Variants in CLTC observed in about 807,000 individuals in gnomAD.
The protein encoded by CLTC is clathrin heavy chain 1.
In CLTC, 16 loss-of-function variants were observed where a neutral mutation model predicts 195.8. The ratio of observed to expected loss-of-function variants is 0.08; its 90% CI spans 0.06 to 0.12. The LOEUF (loss-of-function observed/expected upper bound fraction) is 0.12. CLTC is among the 10% of genes least tolerant of loss of function. The probability of loss-of-function intolerance (pLI) is 1.00; values close to 1 mark genes in which losing one functional copy is unlikely to be tolerated. For missense variants in CLTC, 796 were observed against 2,027.0 expected (o/e 0.39, Z 11.66); for synonymous variants, 667 against 689.4 (o/e 0.97, Z 0.51).
chr17:59,676,920 ATG>A, intron 16 of CLTC, 32 bp from the exon 17 acceptor site: 3 of 1,415,688 alleles, frequency 2.1e-6, no homozygotes, highest in Non-Finnish European at 3.0e-6. Context: ...ATAATACAGT[ATG>A]TGTGTGTGAG....
At chr17:59,624,454 CTTTTTTTTTTT>C (rs5821272) in intron 1 of CLTC, among the ~76,000 whole-genome samples, 1 of 98,154 alleles carries the variant, frequency 1.0e-5, no homozygotes, top group Non-Finnish European at 1.9e-5. Context: ...GAGCCACATA[CTTTTTTTTTTT>C]TTTTTTTTTT....
At chr17:59,654,919 A>C (rs7223290) in intron 5 of CLTC, among the ~76,000 whole-genome samples, 124,801 of 152,210 alleles carry the variant, frequency 0.82, 51,432 homozygotes, top group South Asian at 0.93. Flanking sequence ...TGTCTGTGGT[A>C]GGTTTCTTAG....
intron 1 of CLTC, among the ~76,000 whole-genome samples, chr17:59,641,743 T>G (rs1483214859): frequency 6.6e-6 from 1 of 152,120 alleles, no homozygotes; most frequent in African/African-American, 2.4e-5. Flanking sequence ...AAGATATATA[T>G]GCATAGCTCT....
intron 17 of CLTC, among the ~76,000 whole-genome samples, chr17:59,677,536 G>A (rs1191244932): frequency 4.6e-5 from 7 of 152,098 alleles, no homozygotes; most frequent in African/African-American, 7.2e-5. Context: ...TACCCCTTCC[G>A]AGTGTATGGC....
intron 14 of CLTC, among the ~76,000 whole-genome samples, chr17:59,671,430 CAT>C (rs1321739700): frequency 2.0e-5 from 3 of 152,042 alleles, no homozygotes; most frequent in Non-Finnish European, 4.4e-5. Flanking sequence ...AACCCTGTGT[CAT>C]AAGAAAAATA....
intron 1 of CLTC, among the ~76,000 whole-genome samples, chr17:59,635,080 C>G (rs2031824193): frequency 6.6e-6 from 1 of 152,156 alleles, no homozygotes; most frequent in African/African-American, 2.4e-5. Flanking sequence ...CAAGTATCAG[C>G]AGGTCTCTCA....
chr17:59,673,563 C>A, intron 14 of CLTC, 84 bp from the exon 15 acceptor site: 1 of 1,017,958 alleles, frequency 9.8e-7, no homozygotes, highest in Non-Finnish European at 1.5e-6. Context: ...CTCTTGTTAG[C>A]GTAGAACAAA....
At chr17:59,692,624 AG>A (rs951464492) in intron 31 of CLTC, among the ~76,000 whole-genome samples, 1 of 152,150 alleles carries the variant, frequency 6.6e-6, no homozygotes, top group African/African-American at 2.4e-5. Flanking sequence ...TCATACCTAA[AG>A]AATGTCTGAA....
Position 59,648,140 on chromosome 17 carries a change from G to A in CLTC, c.520-100G>A. ...GAAGTGACAAATAATTATAAATCCT[G>A]CTAAAGATGACAAAGCATTCTAATT... On this transcript the variant is annotated intron_variant, in intron 3 of 31. Transcript: ENST00000269122. This position sits in a 1 kb window ranked among gnomAD's most constrained non-coding sequence, Gnocchi z 4.5. 4.5e-6 allele frequency: 5 copies of A among 1,118,952 alleles called. No homozygotes were observed. Among genetic ancestry groups the A allele is most frequent in the Non-Finnish European group, 6.4e-6 (5 of 786,370 alleles). 69.3% of individuals were successfully genotyped at this position (1,118,952 alleles called of 1,614,324 possible).
chr17:59,677,198 G>A lies in CLTC; in HGVS notation c.2796+10G>A, dbSNP rs1221558334. The A allele has an allele frequency of 1.9e-6, 3 of 1,592,530 alleles. No individual in the cohort carries two copies. The East Asian group carries it at 6.7e-5, about 36-fold the overall frequency. On this transcript the variant is annotated intron_variant, in intron 17 of 31. Transcript: ENST00000269122. ...TCTGGAACTTATTAATGTGAGTACTGCTAGCTGAATATGTAGAGAAGCTGC... is the reference window on the plus strand; with the variant it reads ...TCTGGAACTTATTAATGTGAGTACTACTAGCTGAATATGTAGAGAAGCTGC...
Position 59,681,598 on chromosome 17 carries a change from G to T in CLTC, c.3250-49G>T. The T allele has an allele frequency of 6.3e-7, 1 of 1,579,542 alleles. No individual in the cohort carries two copies. The highest frequency in any genetic ancestry group is 8.6e-7 in the Non-Finnish European group (1 of 1,156,918). On this transcript the variant is annotated intron_variant, in intron 20 of 31. Coordinates refer to ENST00000269122, the MANE Select transcript of CLTC (RefSeq NM_004859.4). The surrounding 1 kb of genome is among the most constrained non-coding windows in gnomAD (Gnocchi z 5.0). ...CTAACAGCTTAAATGTAATTGCTTTGGGTAGGATTGATTTTACTCTAACCC... is the reference window on the plus strand; with the variant it reads ...CTAACAGCTTAAATGTAATTGCTTTTGGTAGGATTGATTTTACTCTAACCC...
intron 6 of CLTC, among the ~76,000 whole-genome samples, chr17:59,656,546 A>C (rs1384273888): frequency 6.6e-6 from 1 of 152,086 alleles, no homozygotes; most frequent in African/African-American, 2.4e-5. Context: ...CTCTTGTGGG[A>C]TGCCTGGAAA....
At chr17:59,634,675 A>G (rs2031814081) in intron 1 of CLTC, among the ~76,000 whole-genome samples, 1 of 151,100 alleles carries the variant, frequency 6.6e-6, no homozygotes, top group Non-Finnish European at 1.5e-5. Flanking sequence ...CATGGAGTAG[A>G]AAAAAACTAT....
At chr17:59,632,133 G>A (rs552814351) in intron 1 of CLTC, among the ~76,000 whole-genome samples, 53 of 152,084 alleles carry the variant, frequency 3.5e-4, no homozygotes, top group African/African-American at 1.2e-3. Flanking sequence ...CTTTGGGAGG[G>A]TGAGGCGGGC....
Position 59,682,536 on chromosome 17 carries a change from C to G in CLTC, c.3601-93C>G. The G allele has an allele frequency of 1.9e-6, 3 of 1,576,846 alleles. No individual in the cohort carries two copies. Among genetic ancestry groups the G allele is most frequent in the Non-Finnish European group, 2.6e-6 (3 of 1,157,580 alleles). On this transcript the variant is annotated intron_variant, in intron 22 of 31. Transcript: ENST00000269122. The surrounding 1 kb of genome is among the most constrained non-coding windows in gnomAD (Gnocchi z 6.8). ...TTCCAAGGAAAAATCTATAGGAAAA[C>G]AAATTCTTTCTCATTGTGAAGATAT...
intron 1 of CLTC, among the ~76,000 whole-genome samples, chr17:59,638,461 CAT>C (rs756020802): frequency 6.8e-6 from 1 of 147,700 alleles, no homozygotes; most frequent in East Asian, 2.1e-4. Flanking sequence ...TATGAGAAAA[CAT>C]AAACACAGCC....
chr17:59,657,749 C>T (rs2032506196), intron 6 of CLTC, among the ~76,000 whole-genome samples: 1 of 131,604 alleles, frequency 7.6e-6, no homozygotes, highest in Non-Finnish European at 1.6e-5. Context: ...GCCTGGATGA[C>T]AGAGCAAGAC....
rs757318296 is a variant in CLTC at position 59,644,446 on chromosome 17, C to T, written c.213C>T (p.Ala71=). The change falls in exon 2 of 32, where the codon GCC becomes GCT. Residue 71 remains alanine (A), a synonymous_variant. Transcript: ENST00000269122. ...PIRRPISADS[A]IMNPASKVIA... Reference sequence around the variant, plus strand: ...GAAGACCAATTTCAGCAGACAGCGCCATCATGAATCCAGCTAGCAAAGTAA... The same window carrying T: ...GAAGACCAATTTCAGCAGACAGCGCTATCATGAATCCAGCTAGCAAAGTAA... 5 of 1,613,962 alleles carry T rather than the reference C, an allele frequency of 3.1e-6. No homozygotes were observed. The South Asian group carries it at 5.5e-5, about 18-fold the overall frequency.
At chr17:59,642,003 T>G (rs1451323585) in intron 1 of CLTC, among the ~76,000 whole-genome samples, 19 of 139,402 alleles carry the variant, frequency 1.4e-4, no homozygotes, top group Middle Eastern at 3.5e-3. Flanking sequence ...TTTGTTGTTT[T>G]TTTTTTTTTT....
Sources: gnomAD v4.1 joint callset for allele counts (sites outside exome capture counted in the v4.1 genomes callset) on GRCh38, gnomAD v4.1.1 for gene constraint, Gnocchi (gnomAD v3.1) non-coding constraint, MANE v1.5 for transcripts, NCBI Gene and HGNC (gene_info 2026-07-23, HGNC 2026-07-21) for gene names.